Variants in SLC7A2 observed in about 807,000 individuals in gnomAD.
SLC7A2 encodes cationic amino acid transporter 2.
SLC7A2 carries 48 observed loss-of-function variants against 58.9 expected under a neutral mutation model. That is an observed-to-expected ratio of 0.82 (90% CI 0.65 to 1.04). The LOEUF (loss-of-function observed/expected upper bound fraction) is 1.04. Ranked by LOEUF, SLC7A2 falls within the 50% of genes least tolerant of loss-of-function variation. The probability of loss-of-function intolerance (pLI) is 0.00; values close to 1 mark genes in which losing one functional copy is unlikely to be tolerated. For synonymous variants in SLC7A2, 363 were observed against 314.5 expected, an observed-to-expected ratio of 1.15 and a Z score of -1.63; for missense variants, 1,029 against 818.8, an observed-to-expected ratio of 1.26 and a Z score of -3.13.
intron 2 of SLC7A2, among the ~76,000 whole-genome samples, chr8:17,503,456 G>A (rs910053779): frequency 2.0e-5 from 3 of 152,140 alleles, no homozygotes; most frequent in African/African-American, 7.2e-5. Flanking sequence ...CTCCCGCGGT[G>A]TTCCTTATCT....
At chr8:17,554,506 G>A in intron 7 of SLC7A2, 54 bp from the exon 8 acceptor site, 2 of 1,433,870 alleles carry the variant, frequency 1.4e-6, no homozygotes, top group Non-Finnish European at 1.9e-6. Flanking sequence ...TCCGTTCGGG[G>A]ATGTAATCTT....
chr8:17,557,966 A>G (rs1171134662), intron 8 of SLC7A2, among the ~76,000 whole-genome samples: 1 of 152,170 alleles, frequency 6.6e-6, no homozygotes, highest in African/African-American at 2.4e-5. Flanking sequence ...AGTATTTCCT[A>G]GCAGTGTTTT....
Position 17,545,403 on chromosome 8 carries a change from C to CTTT in SLC7A2, c.532+820_532+822dup, listed in dbSNP as rs386412194. Among the ~76,000 whole-genome samples the CTTT allele has an allele frequency of 6.6e-3, 423 of 64,288 alleles. 19 individuals carry two copies. The highest frequency in any genetic ancestry group is 0.016 in the African/African-American group (227 of 14,312). The allele number at this position is 64,288 out of a possible 152,430, so 42.2% of individuals were successfully genotyped here. A position where few individuals can be genotyped will look rare whatever the true frequency, so the allele number is the denominator to read the frequency against. The stretch of plus-strand genomic sequence containing the variant: ...TTTGTTTTAACTATTTGAACATTTT[C>CTTT]TTTTTTTTTTTTTTTTTTTTTTTTT... On this transcript the variant is annotated intron_variant, in intron 4 of 12. Transcript: ENST00000494857.
At chr8:17,508,373 G>T (rs995332496) in intron 2 of SLC7A2, among the ~76,000 whole-genome samples, 2 of 152,140 alleles carry the variant, frequency 1.3e-5, no homozygotes, top group Admixed American at 6.5e-5. Context: ...AAATATTTTT[G>T]TATTCTTCCT....
chr8:17,503,896 G>C (rs1800265853), intron 2 of SLC7A2, among the ~76,000 whole-genome samples: 1 of 152,200 alleles, frequency 6.6e-6, no homozygotes, highest in Non-Finnish European at 1.5e-5. Flanking sequence ...TTGCTCTTGA[G>C]TTCTGGGGAA....
intron 2 of SLC7A2, among the ~76,000 whole-genome samples, chr8:17,512,369 A>C (rs1334273288): frequency 5.9e-5 from 9 of 152,190 alleles, no homozygotes; most frequent in Non-Finnish European, 1.3e-4. Flanking sequence ...CAACATGGTG[A>C]AGCCCTATGT....
chr8:17,543,613 C>A lies in SLC7A2; in HGVS notation c.274C>A (p.Arg92Ser). 1 of 1,601,228 alleles carries A rather than the reference C, an allele frequency of 6.2e-7. No homozygotes were observed. The highest frequency in any genetic ancestry group is 8.5e-7 in the Non-Finnish European group (1 of 1,173,966). Reference sequence around the variant, plus strand: ...CCTCTGCTATGCCGAATTTGGGGCCCGTGTTCCCAAGACGGGGTCTGCATA... The same window carrying A: ...CCTCTGCTATGCCGAATTTGGGGCCAGTGTTCCCAAGACGGGGTCTGCATA... ...AGLCYAEFGA[R>S]VPKTGSAYLY... is the part of the protein sequence containing the mutation. The change falls in exon 3 of 13, where the codon CGT (arginine) becomes AGT (serine). Residue 92 changes from arginine (R) to serine (S), a missense_variant. Arg to Ser is a moderately radical substitution (Grantham distance 110). Transcript: ENST00000494857.
At chr8:17,504,341 A>G (rs1227856722) in intron 2 of SLC7A2, among the ~76,000 whole-genome samples, 1 of 152,138 alleles carries the variant, frequency 6.6e-6, no homozygotes, top group Non-Finnish European at 1.5e-5. Context: ...TATGGAGTTC[A>G]GTGTCTAGGG....
chr8:17,548,174 C>A (rs1311452279), intron 4 of SLC7A2, among the ~76,000 whole-genome samples: 1 of 152,056 alleles, frequency 6.6e-6, no homozygotes, highest in African/African-American at 2.4e-5. Flanking sequence ...AACCCCAACC[C>A]TACGAAAAAT....
chr8:17,497,794 T>C (rs1483834995), intron 1 of SLC7A2, among the ~76,000 whole-genome samples: 1 of 152,112 alleles, frequency 6.6e-6, no homozygotes, highest in East Asian at 1.9e-4. Flanking sequence ...CCCGTCTTGG[T>C]GTTTGTATTG....
At chr8:17,500,766 G>T (rs1008267834) in intron 1 of SLC7A2, among the ~76,000 whole-genome samples, 1 of 151,350 alleles carries the variant, frequency 6.6e-6, no homozygotes, top group Non-Finnish European at 1.5e-5. Flanking sequence ...TCCAGCCTGG[G>T]TGACTGAGCG....
chr8:17,530,654 C>T (rs1801412149), intron 2 of SLC7A2, among the ~76,000 whole-genome samples: 1 of 151,066 alleles, frequency 6.6e-6, no homozygotes, highest in African/African-American at 2.4e-5. Flanking sequence ...CTCACTGCAA[C>T]TTCTGCCTCC....
At position 17,566,870 on chromosome 8, in the gene SLC7A2, G is replaced by C. The variant is rs1803289948; in HGVS notation, c.*1724G>C. ...TTACCAGGCATGCTAGCTGGCCCGT[G>C]TAATCCCAAGACAAGGAAAACATTC... On this transcript the variant is annotated 3_prime_UTR_variant, in exon 13 of 13. Transcript: ENST00000494857. 1 of 152,178 alleles carries C rather than the reference G, an allele frequency of 6.6e-6. No homozygotes were observed. Among genetic ancestry groups the C allele is most frequent in the Non-Finnish European group, 1.5e-5 (1 of 68,026 alleles). 9.4% of individuals were successfully genotyped at this position (152,178 alleles called of 1,614,324 possible).
intron 4 of SLC7A2, 124 bp downstream of exon 4, chr8:17,544,730 C>G: frequency 1.3e-6 from 1 of 742,472 alleles, no homozygotes; most frequent in Admixed American, 2.8e-5. Context: ...ACATTTATGT[C>G]ACTGTTAGAC....
At chr8:17,512,956 T>A (rs1370094328) in intron 2 of SLC7A2, among the ~76,000 whole-genome samples, 1 of 152,224 alleles carries the variant, frequency 6.6e-6, no homozygotes, top group East Asian at 1.9e-4. Context: ...TGTTGCAGCA[T>A]GTGTCAGAAT....
chr8:17,497,820 C>T (rs1228653986), intron 1 of SLC7A2, among the ~76,000 whole-genome samples: 2 of 152,176 alleles, frequency 1.3e-5, no homozygotes, highest in Non-Finnish European at 2.9e-5. Context: ...TTTAAAGTAA[C>T]TGGGTGCCTT....
chr8:17,503,502 G>A (rs945446112), intron 2 of SLC7A2, among the ~76,000 whole-genome samples: 23 of 152,090 alleles, frequency 1.5e-4, no homozygotes, highest in Admixed American at 1.5e-3. Context: ...CATACGCGGC[G>A]CTCATAGTTC....
intron 2 of SLC7A2, among the ~76,000 whole-genome samples, chr8:17,532,969 TGTTTTAAGGACCTTCA>T (rs1801519767): frequency 1.3e-5 from 2 of 152,328 alleles, no homozygotes; most frequent in East Asian, 1.9e-4. Flanking sequence ...ATAGTGGCCT[TGTTTTAAGGACCTTCA>T]GTTTTAAGGA....
chr8:17,521,627 G>C (rs1354681436), intron 2 of SLC7A2, among the ~76,000 whole-genome samples: 2 of 152,222 alleles, frequency 1.3e-5, no homozygotes, highest in African/African-American at 4.8e-5. Context: ...CTCTTCACAG[G>C]GAGACGTGGC....
Sources: allele counts gnomAD v4.1 joint callset (sites outside exome capture counted in the v4.1 genomes callset), GRCh38; gene constraint gnomAD v4.1.1; transcripts MANE v1.5; gene names NCBI Gene and HGNC (gene_info 2026-07-23, HGNC 2026-07-21).